MTMR2: variants seen among roughly 807,000 people sequenced by gnomAD.
MTMR2 encodes phosphatidylinositol-3,5-bisphosphate 3-phosphatase MTMR2.
MTMR2 carries 55 observed loss-of-function variants against 86.9 expected under a neutral mutation model. The observed-to-expected ratio is 0.63, with a 90% CI of 0.51 to 0.79. The LOEUF (loss-of-function observed/expected upper bound fraction) is 0.79, where lower values mean the gene tolerates loss of function less well. Among genes scored for constraint, MTMR2 ranks in the 30% least tolerant of loss-of-function variants. MTMR2 has a pLI of 0.00. For missense variants in MTMR2, 659 were observed against 772.3 expected, an observed-to-expected ratio of 0.85 and a Z score of 1.74; for synonymous variants, 241 against 266.8, an observed-to-expected ratio of 0.90 and a Z score of 0.94.
At chr11:95,883,452 A>G (rs1865409922) in intron 2 of MTMR2, among the ~76,000 whole-genome samples, 1 of 152,206 alleles carries the variant, frequency 6.6e-6, no homozygotes, top group South Asian at 2.1e-4. Context: ...TACATTTTTA[A>G]GTTTTAAAAC....
At chr11:95,874,688 C>T (rs1865034685) in intron 2 of MTMR2, among the ~76,000 whole-genome samples, 1 of 152,118 alleles carries the variant, frequency 6.6e-6, no homozygotes, top group Admixed American at 6.5e-5. Flanking sequence ...TCTTCCTAGC[C>T]TCAATGGTCT....
chr11:95,871,999 C>T (rs1864908391), intron 2 of MTMR2, among the ~76,000 whole-genome samples: 1 of 152,134 alleles, frequency 6.6e-6, no homozygotes, highest in South Asian at 2.1e-4. Context: ...GGAATCCTTT[C>T]CCCATTTCTT....
chr11:95,911,358 T>G (rs938182315), intron 1 of MTMR2, among the ~76,000 whole-genome samples: 7 of 152,144 alleles, frequency 4.6e-5, no homozygotes, highest in Non-Finnish European at 1.0e-4. Context: ...AGAAAATAAT[T>G]TACATATGTC....
At chr11:95,872,444 G>A in intron 2 of MTMR2, among the ~76,000 whole-genome samples, 1 of 152,162 alleles carries the variant, frequency 6.6e-6, no homozygotes, top group Non-Finnish European at 1.5e-5. Context: ...GAATGCTTGT[G>A]ATTTTTGCAT....
At chr11:95,923,149 AT>A in intron 1 of MTMR2, among the ~76,000 whole-genome samples, 1 of 152,240 alleles carries the variant, frequency 6.6e-6, no homozygotes, top group Non-Finnish European at 1.5e-5. Flanking sequence ...AAATTCCAGG[AT>A]AAAATTCCCA....
chr11:95,849,927 G>A (rs963312795), intron 8 of MTMR2, 65 bp from the exon 9 acceptor site: 1 of 1,445,004 alleles, frequency 6.9e-7, no homozygotes, highest in Non-Finnish European at 9.7e-7. Context: ...CTCAAAAACA[G>A]TACTCAGTAA....
chr11:95,859,967 CCA>C (rs1864348681), intron 5 of MTMR2, among the ~76,000 whole-genome samples: 1 of 152,136 alleles, frequency 6.6e-6, no homozygotes. Context: ...ATTCTGTTAA[CCA>C]CAGAGTTCTC....
At chr11:95,907,248 C>A (rs963465111) in intron 1 of MTMR2, among the ~76,000 whole-genome samples, 1 of 152,044 alleles carries the variant, frequency 6.6e-6, no homozygotes, top group African/African-American at 2.4e-5. Flanking sequence ...TCTATAGACA[C>A]AAACTAGAAA....
At chr11:95,919,179 A>G (rs1240954090) in intron 1 of MTMR2, among the ~76,000 whole-genome samples, 2 of 152,206 alleles carry the variant, frequency 1.3e-5, no homozygotes, top group East Asian at 3.8e-4. Context: ...CTAAAACTAA[A>G]GATGAGACCT....
At chr11:95,837,892 C>T (rs893957938) in intron 13 of MTMR2, among the ~76,000 whole-genome samples, 1 of 152,070 alleles carries the variant, frequency 6.6e-6, no homozygotes, top group Non-Finnish European at 1.5e-5. Context: ...AGACAGCTAG[C>T]TAGCACCTTC....
chr11:95,882,939 G>A (rs1228251507), intron 2 of MTMR2, among the ~76,000 whole-genome samples: 1 of 136,756 alleles, frequency 7.3e-6, no homozygotes, highest in African/African-American at 2.8e-5. Context: ...AGAGAGACGG[G>A]GTTTCACCGT....
intron 1 of MTMR2, among the ~76,000 whole-genome samples, chr11:95,912,368 G>C (rs1866542269): frequency 6.6e-6 from 1 of 150,752 alleles, no homozygotes; most frequent in Admixed American, 6.6e-5. Context: ...GTTATGAAAA[G>C]AACAAAAAAG....
chr11:95,875,600 CAA>C (rs1307983600), intron 2 of MTMR2, among the ~76,000 whole-genome samples: 1 of 152,226 alleles, frequency 6.6e-6, no homozygotes, highest in Admixed American at 6.5e-5. Context: ...CTCAACTCGT[CAA>C]AGTCATTCTC....
chr11:95,858,347 C>T (rs1359919400), intron 6 of MTMR2, among the ~76,000 whole-genome samples, 184 bp downstream of exon 6: 2 of 152,118 alleles, frequency 1.3e-5, no homozygotes, highest in African/African-American at 4.8e-5. Context: ...ATCAGCTAGT[C>T]CAGCTTCCTT....
chr11:95,838,046 A>T, intron 13 of MTMR2, 48 bp downstream of exon 13: 1 of 1,159,960 alleles, frequency 8.6e-7, no homozygotes, highest in Non-Finnish European at 1.3e-6. Flanking sequence ...TTTTAGGGAA[A>T]AGTATACAGT....
rs2135475047 is a variant in MTMR2 at position 95,862,087 on chromosome 11, AAAC to A, written c.370_372del (p.Val124del). 1 of 1,613,738 alleles carries A rather than the reference AAAC, an allele frequency of 6.2e-7. No homozygotes were observed. Among genetic ancestry groups the A allele is most frequent in the Non-Finnish European group, 8.5e-7 (1 of 1,179,724 alleles). ...TTTATCACACCAAGGGAAGCATCTA[AAAC>A]AAATGGGGGATCCTAAAGAAGGAAA... On this transcript the variant is annotated inframe_deletion, in exon 5 of 15. Transcript: ENST00000346299.
At chr11:95,892,109 G>A (rs1000849071) in intron 1 of MTMR2, among the ~76,000 whole-genome samples, 1 of 152,092 alleles carries the variant, frequency 6.6e-6, no homozygotes, top group African/African-American at 2.4e-5. Flanking sequence ...TATAACACAC[G>A]CTAATTTCCA....
At chr11:95,893,533 A>G (rs2135561643) in intron 1 of MTMR2, among the ~76,000 whole-genome samples, 1 of 152,194 alleles carries the variant, frequency 6.6e-6, no homozygotes, top group Admixed American at 6.5e-5. Context: ...ATCCGTATCC[A>G]TTAGCCACGA....
intron 1 of MTMR2, among the ~76,000 whole-genome samples, chr11:95,891,797 T>C (rs967560671): frequency 1.3e-5 from 2 of 151,940 alleles, no homozygotes; most frequent in Admixed American, 6.6e-5. Context: ...GTACTGTTCT[T>C]GTGATTACGG....
Sources: gnomAD v4.1 joint callset for allele counts (sites outside exome capture counted in the v4.1 genomes callset) on GRCh38, gnomAD v4.1.1 for gene constraint, MANE v1.5 for transcripts, NCBI Gene and HGNC (gene_info 2026-07-23, HGNC 2026-07-21) for gene names.